The following KAZN variants were observed in gnomAD, a reference collection of about 807,000 sequenced individuals.
KAZN encodes the protein kazrin.
Under a neutral mutation model 87.4 loss-of-function variants are expected in KAZN, and 40 were observed. The observed-to-expected ratio is 0.46, with a 90% CI of 0.36 to 0.60. The LOEUF (loss-of-function observed/expected upper bound fraction) is 0.60, where lower values mean the gene tolerates loss of function less well. KAZN is among the 20% of genes least tolerant of loss of function. KAZN has a pLI of 0.00. For synonymous variants in KAZN, 466 were observed against 458.3 expected, an observed-to-expected ratio of 1.02 and a Z score of -0.22; for missense variants, 898 against 1,073.9, an observed-to-expected ratio of 0.84 and a Z score of 2.29.
chr1:15,103,522 TATGCAAATCAATATGCAAATCAC>T (rs1250390096), intron 12 of KAZN, 62 bp downstream of exon 12: 4 of 997,394 alleles, frequency 4.0e-6, no homozygotes, highest in Non-Finnish European at 4.6e-6. Context: ...TGCAAATCTA[TATGCAAATCAATATGCAAATCAC>T]ATGCAAATCA....
At chr1:14,203,364 C>T (rs1321838823) in intron 2 of KAZN, among the ~76,000 whole-genome samples, 4 of 152,132 alleles carry the variant, frequency 2.6e-5, no homozygotes, top group East Asian at 1.9e-4. Context: ...TCCTCTCCCA[C>T]GAGTGTGTAC....
chr1:14,513,648 G>T (rs779974604), intron 2 of KAZN, among the ~76,000 whole-genome samples: 1 of 152,104 alleles, frequency 6.6e-6, no homozygotes, highest in African/African-American at 2.4e-5. Flanking sequence ...CTAAATGCCG[G>T]ATATTTTATA....
At chr1:14,473,670 A>C (rs543022711) in intron 2 of KAZN, among the ~76,000 whole-genome samples, 1 of 151,860 alleles carries the variant, frequency 6.6e-6, no homozygotes, top group Admixed American at 6.6e-5. Context: ...AACAAAAAAA[A>C]ACTCTTCATC....
At chr1:14,830,910 C>A (rs1647032317) in intron 1 of KAZN, among the ~76,000 whole-genome samples, 1 of 152,200 alleles carries the variant, frequency 6.6e-6, no homozygotes, top group Non-Finnish European at 1.5e-5. Flanking sequence ...GAGCACCAGG[C>A]AGTCCCTGCA....
chr1:14,889,971 C>T (rs943505262), intron 1 of KAZN, among the ~76,000 whole-genome samples: 1 of 152,194 alleles, frequency 6.6e-6, no homozygotes, highest in Non-Finnish European at 1.5e-5. Flanking sequence ...CTCGTACGCT[C>T]GAGCCAAACA....
chr1:14,213,804 C>T (rs1646904372), intron 2 of KAZN, among the ~76,000 whole-genome samples: 1 of 152,158 alleles, frequency 6.6e-6, no homozygotes, highest in South Asian at 2.1e-4. Flanking sequence ...TATGAGGCTA[C>T]CTGTGGTGGC....
intron 1 of KAZN, among the ~76,000 whole-genome samples, chr1:14,944,256 T>G (rs1001845814): frequency 2.0e-5 from 3 of 148,828 alleles, no homozygotes; most frequent in Middle Eastern, 3.6e-3. Flanking sequence ...GCAACTCACA[T>G]TTTTCTGTGC....
At chr1:14,555,875 C>T (rs1673832092) in intron 2 of KAZN, among the ~76,000 whole-genome samples, 1 of 152,184 alleles carries the variant, frequency 6.6e-6, no homozygotes, top group African/African-American at 2.4e-5. Context: ...TTGCCCCTTA[C>T]TTATGATGTA....
chr1:14,010,595 T>G (rs1640250636), intron 1 of KAZN, among the ~76,000 whole-genome samples: 1 of 152,230 alleles, frequency 6.6e-6, no homozygotes, highest in African/African-American at 2.4e-5. Context: ...GAAACTGGTC[T>G]TTGAGGCTTT....
intron 1 of KAZN, among the ~76,000 whole-genome samples, chr1:14,147,505 ACTGCAG>A (rs1645378118): frequency 1.3e-5 from 2 of 152,204 alleles, no homozygotes; most frequent in East Asian, 3.8e-4. Flanking sequence ...TTAAAACGTC[ACTGCAG>A]GGCTGGGCGT....
At chr1:14,194,626 C>T (rs1646489616) in intron 2 of KAZN, among the ~76,000 whole-genome samples, 1 of 152,160 alleles carries the variant, frequency 6.6e-6, no homozygotes, top group African/African-American at 2.4e-5. Context: ...TGGGAAAGTA[C>T]AGTGTTTTTC....
chr1:14,612,726 A>G (rs1214064072), intron 1 of KAZN, among the ~76,000 whole-genome samples: 1 of 152,212 alleles, frequency 6.6e-6, no homozygotes, highest in Non-Finnish European at 1.5e-5. Context: ...GACATTTAGC[A>G]GCATCTATGC....
At chr1:14,987,368 C>G (rs982725658) in intron 2 of KAZN, among the ~76,000 whole-genome samples, 1 of 152,108 alleles carries the variant, frequency 6.6e-6, no homozygotes, top group Non-Finnish European at 1.5e-5. Context: ...GTGGCGAGCA[C>G]CTGTAATCCC....
chr1:14,161,272 A>G (rs1184372301), intron 1 of KAZN, among the ~76,000 whole-genome samples: 5 of 152,312 alleles, frequency 3.3e-5, no homozygotes, highest in Admixed American at 2.0e-4. Context: ...CACAATGTCT[A>G]TGGGGCAGGA....
intron 1 of KAZN, among the ~76,000 whole-genome samples, chr1:14,952,455 T>G (rs1190061450): frequency 6.6e-6 from 1 of 152,116 alleles, no homozygotes. Flanking sequence ...AAATGAGTTT[T>G]TAATGGAAAA....
At chr1:14,287,781 G>A (rs1280998156) in intron 2 of KAZN, among the ~76,000 whole-genome samples, 2 of 152,146 alleles carry the variant, frequency 1.3e-5, no homozygotes, top group Non-Finnish European at 2.9e-5. Context: ...AATGCTTCTA[G>A]CTTTTGCCCA....
At chr1:14,473,772 G>T (rs113902822) in intron 2 of KAZN, among the ~76,000 whole-genome samples, 8 of 152,084 alleles carry the variant, frequency 5.3e-5, no homozygotes, top group African/African-American at 1.7e-4. Flanking sequence ...TACTAGCCTC[G>T]TTTCTACTCC....
Position 14,203,870 on chromosome 1 carries a change from G to C in KAZN, c.249+23278G>C, listed in dbSNP as rs774688709. Among the ~76,000 whole-genome samples the C allele has an allele frequency of 5.4e-4, 83 of 152,294 alleles. 1 individual carries two copies. Among genetic ancestry groups the C allele is most frequent in the South Asian group, 2.5e-3 (12 of 4,828 alleles). On this transcript the variant is annotated intron_variant, in intron 2 of 16. Transcript: ENST00000636203. ...AATGTTCATAGCAACAGGAGCAAAC[G>C]TGGTTGCAGCTGCCATTATGGTCAG...
At chr1:15,105,953 G>C (rs1158261573) in intron 13 of KAZN, among the ~76,000 whole-genome samples, 4 of 152,286 alleles carry the variant, frequency 2.6e-5, no homozygotes, top group African/African-American at 9.6e-5. Flanking sequence ...TTAGCATTTT[G>C]GGGTGCTTCT....
Sources: gnomAD v4.1 joint callset for allele counts (sites outside exome capture counted in the v4.1 genomes callset) on GRCh38, gnomAD v4.1.1 for gene constraint, MANE v1.5 for transcripts, NCBI Gene and HGNC (gene_info 2026-07-23, HGNC 2026-07-21) for gene names.